Variants in DYNC1I1 observed in about 807,000 individuals in gnomAD.
DYNC1I1 encodes dynein cytoplasmic 1 intermediate chain 1.
DYNC1I1 carries 43 observed loss-of-function variants against 86.6 expected under a neutral mutation model. That is an observed-to-expected ratio of 0.50 (90% CI 0.39 to 0.64). DYNC1I1 has a LOEUF of 0.64. Among genes scored for constraint, DYNC1I1 ranks in the 30% least tolerant of loss-of-function variants. The pLI is 0.00. For synonymous variants in DYNC1I1, 262 were observed against 283.7 expected (o/e 0.92, Z 0.77); for missense variants, 604 against 788.8 (o/e 0.77, Z 2.81).
At chr7:95,998,970 T>C (rs1298199962) in intron 10 of DYNC1I1, among the ~76,000 whole-genome samples, 1 of 152,228 alleles carries the variant, frequency 6.6e-6, no homozygotes, top group Non-Finnish European at 1.5e-5. Flanking sequence ...AAAAGTATCT[T>C]CTACTGTCAC....
At chr7:96,084,220 A>G (rs892679912) in intron 16 of DYNC1I1, among the ~76,000 whole-genome samples, 1 of 151,856 alleles carries the variant, frequency 6.6e-6, no homozygotes, top group African/African-American at 2.4e-5. Context: ...AAAATTTGTC[A>G]GGAAGGAACG....
At chr7:96,005,500 TC>T (rs1794119194) in intron 10 of DYNC1I1, among the ~76,000 whole-genome samples, 1 of 152,028 alleles carries the variant, frequency 6.6e-6, no homozygotes, top group Admixed American at 6.6e-5. Flanking sequence ...GTATAGTAGT[TC>T]CCCCAGGACC....
chr7:95,941,211 G>T (rs1413783705), intron 6 of DYNC1I1, among the ~76,000 whole-genome samples: 1 of 151,998 alleles, frequency 6.6e-6, no homozygotes, highest in African/African-American at 2.4e-5. Context: ...TGCCCCTACT[G>T]GGGGGTGCCT....
At chr7:95,897,648 T>C (rs1344287810) in intron 6 of DYNC1I1, among the ~76,000 whole-genome samples, 1 of 152,166 alleles carries the variant, frequency 6.6e-6, no homozygotes, top group African/African-American at 2.4e-5. Flanking sequence ...TGCGACTTAA[T>C]TGGCAGGCAG....
chr7:95,971,252 A>C (rs1247516912), intron 6 of DYNC1I1, among the ~76,000 whole-genome samples: 1 of 152,240 alleles, frequency 6.6e-6, no homozygotes, highest in East Asian at 1.9e-4. Flanking sequence ...ATATAATATT[A>C]GAAAAGATAA....
At chr7:96,107,617 C>T (rs1791236600) in intron 16 of DYNC1I1, among the ~76,000 whole-genome samples, 1 of 151,548 alleles carries the variant, frequency 6.6e-6, no homozygotes, top group Non-Finnish European at 1.5e-5. Context: ...CTGTAATCTC[C>T]ACCTCCTGGG....
chr7:96,035,607 G>A lies in DYNC1I1; in HGVS notation c.1231-12G>A, dbSNP rs112578229. Reference sequence around the variant, plus strand: ...TGACAGATGGAAATGTAACCACACCGTGTTTTGGTAGGAGAGCATGGAGCT... The same window carrying A: ...TGACAGATGGAAATGTAACCACACCATGTTTTGGTAGGAGAGCATGGAGCT... On this transcript the variant is annotated splice_polypyrimidine_tract_variant and intron_variant, in intron 12 of 16. Coordinates refer to ENST00000447467, the MANE Select transcript of DYNC1I1 (RefSeq NM_001135556.2). 495 of 1,566,536 alleles carry A rather than the reference G, an allele frequency of 3.2e-4. No homozygotes were observed. The highest frequency in any genetic ancestry group is 3.9e-4 in the Non-Finnish European group (448 of 1,160,542).
At chr7:95,957,790 G>A (rs774626968) in intron 6 of DYNC1I1, among the ~76,000 whole-genome samples, 1 of 152,198 alleles carries the variant, frequency 6.6e-6, no homozygotes, top group Non-Finnish European at 1.5e-5. Flanking sequence ...GCTCTGAAAG[G>A]GGTGAAGAGC....
At chr7:95,793,714 G>C (rs1442169249) in intron 1 of DYNC1I1, among the ~76,000 whole-genome samples, 1 of 152,158 alleles carries the variant, frequency 6.6e-6, no homozygotes, top group Non-Finnish European at 1.5e-5. Flanking sequence ...TATGCCAGTG[G>C]GTTATGAGCT....
intron 6 of DYNC1I1, among the ~76,000 whole-genome samples, chr7:95,928,029 A>G (rs1791791463): frequency 6.6e-6 from 1 of 152,236 alleles, no homozygotes; most frequent in Non-Finnish European, 1.5e-5. Flanking sequence ...CCTGCCAGCC[A>G]CACTTGGCCT....
chr7:95,785,061 T>A (rs904052983), intron 1 of DYNC1I1, among the ~76,000 whole-genome samples: 1 of 152,102 alleles, frequency 6.6e-6, no homozygotes, highest in African/African-American at 2.4e-5. Context: ...ATTTATAAAT[T>A]CCTCCTGCCA....
chr7:95,876,985 T>C (rs536759267), intron 6 of DYNC1I1, among the ~76,000 whole-genome samples: 5 of 152,232 alleles, frequency 3.3e-5, no homozygotes, highest in Admixed American at 3.3e-4. Flanking sequence ...ATAAAACTAA[T>C]CACAACTTGG....
chr7:96,061,504 AAG>A (rs1772555717), intron 14 of DYNC1I1, among the ~76,000 whole-genome samples: 1 of 152,012 alleles, frequency 6.6e-6, no homozygotes, highest in Admixed American at 6.6e-5. Context: ...CTTTCAGTGA[AAG>A]AGAATAAAGG....
chr7:96,039,846 GT>G (rs989090331), intron 14 of DYNC1I1, among the ~76,000 whole-genome samples: 6 of 151,500 alleles, frequency 4.0e-5, no homozygotes, highest in Admixed American at 1.3e-4. Context: ...TGGGACTTGG[GT>G]TTTTTTTTGT....
intron 4 of DYNC1I1, among the ~76,000 whole-genome samples, chr7:95,826,463 T>C (rs1795205633): frequency 6.6e-6 from 1 of 152,224 alleles, no homozygotes; most frequent in Admixed American, 6.5e-5. Context: ...TATACCTGCA[T>C]TTAATCCTTG....
chr7:95,872,578 T>C (rs1359900031), intron 6 of DYNC1I1, among the ~76,000 whole-genome samples: 1 of 152,140 alleles, frequency 6.6e-6, no homozygotes, highest in Non-Finnish European at 1.5e-5. Flanking sequence ...ATTCTCATCA[T>C]AGTAAGTATT....
intron 7 of DYNC1I1, 84 bp from the exon 8 acceptor site, chr7:95,984,731 A>G (rs573993167): frequency 7.3e-7 from 1 of 1,368,612 alleles, no homozygotes; most frequent in African/African-American, 1.5e-5. Flanking sequence ...AGTCTCTCTC[A>G]AGAATTGGGT....
At chr7:96,083,104 G>T (rs1260935997) in intron 16 of DYNC1I1, among the ~76,000 whole-genome samples, 1 of 152,024 alleles carries the variant, frequency 6.6e-6, no homozygotes, top group Non-Finnish European at 1.5e-5. Flanking sequence ...AAAAAGAAAG[G>T]ATATACTATT....
At chr7:95,798,898 C>T (rs968019252) in intron 1 of DYNC1I1, among the ~76,000 whole-genome samples, 8 of 152,152 alleles carry the variant, frequency 5.3e-5, no homozygotes, top group East Asian at 3.9e-4. Context: ...TTGTTGGGTT[C>T]GAGAAAAGCT....
Sources: gnomAD v4.1 joint callset for allele counts (sites outside exome capture counted in the v4.1 genomes callset) on GRCh38, gnomAD v4.1.1 for gene constraint, MANE v1.5 for transcripts, NCBI Gene and HGNC (gene_info 2026-07-23, HGNC 2026-07-21) for gene names.